The following NEDD9 variants were observed in gnomAD, a reference collection of about 807,000 sequenced individuals.
NEDD9 encodes neural precursor cell expressed, developmentally down-regulated 9.
Under a neutral mutation model 76.6 loss-of-function variants are expected in NEDD9, and 26 were observed. The ratio of observed to expected loss-of-function variants is 0.34; its 90% confidence interval spans 0.25 to 0.47. NEDD9 has a LOEUF of 0.47. Ranked by LOEUF, NEDD9 falls within the 20% of genes least tolerant of loss-of-function variation. The pLI is 1.00. For synonymous variants in NEDD9, 392 were observed against 414.2 expected (o/e 0.95, Z 0.65); for missense variants, 937 against 1,058.5 (o/e 0.89, Z 1.59).
At position 11,213,224 on chromosome 6, in the gene NEDD9, A is replaced by C. The variant is rs1390790979; in HGVS notation, c.459+57T>G. 133 of 1,467,516 alleles carry C rather than the reference A, an allele frequency of 9.1e-5. No individual in the cohort carries two copies. Among genetic ancestry groups the C allele is most frequent in the Non-Finnish European group, 1.2e-4 (130 of 1,085,222 alleles). 90.9% of individuals were successfully genotyped at this position (1,467,516 alleles called of 1,614,324 possible). A position where few individuals can be genotyped will look rare whatever the true frequency, so the allele number is the denominator to read the frequency against. ...TTTGGGAACATTTCCAAATGCTCCAAGTGTAATGGGAAAAAAAAATAAGTA... is the reference window on the plus strand; with the variant it reads ...TTTGGGAACATTTCCAAATGCTCCACGTGTAATGGGAAAAAAAAATAAGTA... On this transcript the variant is annotated intron_variant, in intron 2 of 6. Coordinates refer to ENST00000379446, the MANE Select transcript of NEDD9 (RefSeq NM_006403.4). The surrounding 1 kb of genome is among the most constrained non-coding windows in gnomAD (Gnocchi z 5.4).
chr6:11,361,944 C>G (rs1266569858), intron 1 of NEDD9, among the ~76,000 whole-genome samples: 3 of 152,122 alleles, frequency 2.0e-5, no homozygotes, highest in African/African-American at 4.8e-5. Context: ...GGCAGAGGTA[C>G]AGATATTCAA....
intron 3 of NEDD9, among the ~76,000 whole-genome samples, chr6:11,260,223 TAAAC>T (rs1276392935): frequency 7.2e-5 from 11 of 152,202 alleles, no homozygotes; most frequent in African/African-American, 2.6e-4. Context: ...CAGACAAAAA[TAAAC>T]AGAGTAGAGA....
chr6:11,302,329 C>T (rs1381755495), intron 3 of NEDD9, among the ~76,000 whole-genome samples: 1 of 152,330 alleles, frequency 6.6e-6, no homozygotes, highest in Non-Finnish European at 1.5e-5. Flanking sequence ...GAAATTGAAT[C>T]TCTGGATTGA....
intron 6 of NEDD9, among the ~76,000 whole-genome samples, chr6:11,186,884 GGGATTACA>G (rs1757994117): frequency 6.6e-6 from 1 of 152,154 alleles, no homozygotes; most frequent in African/African-American, 2.4e-5. Context: ...CCAAAGTGCT[GGGATTACA>G]GGTGTGAGCC....
At chr6:11,363,484 A>G (rs9394069) in intron 1 of NEDD9, among the ~76,000 whole-genome samples, 56,147 of 151,858 alleles carry the variant, frequency 0.37, 10,900 homozygotes, top group Admixed American at 0.41. Flanking sequence ...AATGGGGGGG[A>G]AGTCTGAAAT....
chr6:11,226,646 T>C (rs906263730), intron 1 of NEDD9, among the ~76,000 whole-genome samples: 1 of 152,258 alleles, frequency 6.6e-6, no homozygotes, highest in African/African-American at 2.4e-5. Context: ...GTTTTTTGAA[T>C]TGACGACTTT....
rs58440167 is a variant in NEDD9 at position 11,320,149 on chromosome 6, G to C, written c.-152-13994C>G. 2.0e-5 allele frequency among the ~76,000 whole-genome samples: 3 copies of C among 152,172 alleles called. No homozygotes were observed. In the East Asian group the frequency reaches 5.8e-4, roughly 29 times the overall value. On this transcript the variant is annotated intron_variant, in intron 2 of 3. Transcript: ENST00000397378. ...CTTCTTACAGTGACCACGCCCTGCC[G>C]CTCTTTCTCCCCCAGTCCACTGCCA...
At chr6:11,215,322 G>A (rs1002531110) in intron 1 of NEDD9, among the ~76,000 whole-genome samples, 8 of 152,162 alleles carry the variant, frequency 5.3e-5, no homozygotes, top group East Asian at 1.9e-4. Context: ...AGAGGTGAGC[G>A]GCCAGGGAAG....
chr6:11,296,790 G>A (rs1006080871), intron 3 of NEDD9, among the ~76,000 whole-genome samples: 7 of 150,940 alleles, frequency 4.6e-5, no homozygotes, highest in Non-Finnish European at 8.8e-5. Context: ...GTGCAGTAGC[G>A]TGATCTGAGC....
At chr6:11,355,504 T>G (rs527507069) in intron 1 of NEDD9, among the ~76,000 whole-genome samples, 1 of 152,266 alleles carries the variant, frequency 6.6e-6, no homozygotes, top group East Asian at 1.9e-4. Flanking sequence ...TCCTGGTTGG[T>G]CTGGGACTGT....
intron 3 of NEDD9, among the ~76,000 whole-genome samples, chr6:11,239,072 G>A (rs1186407494): frequency 6.6e-6 from 1 of 151,918 alleles, no homozygotes; most frequent in South Asian, 2.1e-4. Flanking sequence ...GAGGCTGAGG[G>A]GGGAGGATCA....
intron 3 of NEDD9, among the ~76,000 whole-genome samples, chr6:11,266,081 G>A (rs555555023): frequency 7.9e-4 from 120 of 152,240 alleles, no homozygotes; most frequent in African/African-American, 2.8e-3. Flanking sequence ...TACTTAATGG[G>A]TACAATGTAT....
intron 2 of NEDD9, among the ~76,000 whole-genome samples, chr6:11,315,301 C>T (rs924180757): frequency 6.6e-6 from 1 of 152,228 alleles, no homozygotes; most frequent in Non-Finnish European, 1.5e-5. Context: ...AGACAGAGAT[C>T]ATTAAACCCT....
At chr6:11,354,317 T>C (rs1762526884) in intron 1 of NEDD9, among the ~76,000 whole-genome samples, 1 of 152,150 alleles carries the variant, frequency 6.6e-6, no homozygotes, top group Admixed American at 6.5e-5. Flanking sequence ...AGTCACCAGC[T>C]CCTCACTCTC....
At chr6:11,309,262 G>A (rs780947767) in intron 2 of NEDD9, among the ~76,000 whole-genome samples, 5 of 152,332 alleles carry the variant, frequency 3.3e-5, no homozygotes, top group South Asian at 2.1e-4. Context: ...TTGCTGTATG[G>A]TATTCCACTG....
chr6:11,331,538 C>CA (rs1480048219), intron 2 of NEDD9, among the ~76,000 whole-genome samples: 1 of 151,846 alleles, frequency 6.6e-6, no homozygotes, highest in South Asian at 2.1e-4. Context: ...TAAAAGGGTT[C>CA]AAAAAATGTT....
intron 1 of NEDD9, among the ~76,000 whole-genome samples, chr6:11,372,784 T>C (rs1171390098): frequency 6.6e-6 from 1 of 152,224 alleles, no homozygotes; most frequent in Non-Finnish European, 1.5e-5. Context: ...CTGCTTGCCA[T>C]TTGTATTTTT....
At chr6:11,267,724 G>T (rs1171869546) in intron 3 of NEDD9, among the ~76,000 whole-genome samples, 1 of 152,140 alleles carries the variant, frequency 6.6e-6, no homozygotes. Context: ...TACGGGTCTT[G>T]TCTGGGGGAG....
intron 1 of NEDD9, among the ~76,000 whole-genome samples, chr6:11,347,342 T>C (rs970493851): frequency 6.6e-6 from 1 of 152,280 alleles, no homozygotes. Flanking sequence ...AACCAAATTC[T>C]ACCAGATGTA....
Sources: allele counts gnomAD v4.1 joint callset (sites outside exome capture counted in the v4.1 genomes callset), GRCh38; gene constraint gnomAD v4.1.1; non-coding constraint Gnocchi (gnomAD v3.1); transcripts MANE v1.5; gene names NCBI Gene and HGNC (gene_info 2026-07-23, HGNC 2026-07-21).